Variants in MERTK observed in about 807,000 individuals in gnomAD.
The protein encoded by MERTK is MER proto-oncogene, tyrosine kinase.
A neutral mutation model predicts 99.3 loss-of-function variants in MERTK; 69 were observed. That is an observed-to-expected ratio of 0.70 (90% confidence interval 0.57 to 0.85). MERTK has a LOEUF of 0.85. Ranked by LOEUF, MERTK falls within the 40% of genes least tolerant of loss-of-function variation. MERTK has a pLI of 0.00. For synonymous variants in MERTK, 426 were observed against 467.6 expected (o/e 0.91, Z 1.15); for missense variants, 1,125 against 1,249.4 (o/e 0.90, Z 1.50).
intron 14 of MERTK, 50 bp from the exon 15 acceptor site, chr2:112,009,898 G>A (rs747760201): frequency 2.1e-6 from 3 of 1,408,280 alleles, no homozygotes; most frequent in Non-Finnish European, 3.0e-6. Context: ...GGCTTTTCTG[G>A]TCACAGTAAC....
In MERTK at chr2:111,958,495, A is replaced by G. The variant is rs547699086; in HGVS notation, c.758-6696A>G. On this transcript the variant is annotated intron_variant, in intron 4 of 18. Transcript: ENST00000295408. ...GTGCTGTCTGGTTTTGGAGAAATTT[A>G]CCTTTGGTTTGAACTAGTTTCCTCT... Among the ~76,000 whole-genome samples the G allele has an allele frequency of 1.3e-4, 20 of 152,308 alleles. No homozygotes were observed. In the South Asian group the frequency reaches 3.9e-3, roughly 30 times the overall value.
intron 4 of MERTK, 93 bp downstream of exon 4, chr2:111,947,660 T>G: frequency 7.0e-6 from 10 of 1,425,016 alleles, no homozygotes; most frequent in Non-Finnish European, 9.9e-6. Flanking sequence ...TAGCAGGCAG[T>G]GGAGACAGAT....
intron 2 of MERTK, among the ~76,000 whole-genome samples, chr2:111,930,827 C>A (rs547417296): frequency 6.6e-6 from 1 of 152,190 alleles, no homozygotes; most frequent in Admixed American, 6.5e-5. Flanking sequence ...CTTGCCACCC[C>A]TTTTGTATTC....
At chr2:111,994,895 C>T (rs572314498) in intron 9 of MERTK, among the ~76,000 whole-genome samples, 1 of 152,218 alleles carries the variant, frequency 6.6e-6, no homozygotes, top group African/African-American at 2.4e-5. Flanking sequence ...TAGGTCCCTC[C>T]TATAGTTACT....
At chr2:111,908,270 TAGTA>T (rs1684176857) in intron 1 of MERTK, among the ~76,000 whole-genome samples, 1 of 152,212 alleles carries the variant, frequency 6.6e-6, no homozygotes, top group Non-Finnish European at 1.5e-5. Context: ...AACCAGTAAA[TAGTA>T]AGGCCTTTCC....
intron 18 of MERTK, among the ~76,000 whole-genome samples, chr2:112,026,884 C>T (rs1317533628): frequency 1.3e-5 from 2 of 152,176 alleles, no homozygotes; most frequent in Non-Finnish European, 2.9e-5. Flanking sequence ...TTGCATATTT[C>T]TGTTCGTAAG....
chr2:111,979,036 G>A (rs555955875), intron 7 of MERTK, among the ~76,000 whole-genome samples: 1 of 152,254 alleles, frequency 6.6e-6, no homozygotes, highest in African/African-American at 2.4e-5. Flanking sequence ...TTCTTCCCCC[G>A]TGTGAAGCCT....
Position 111,982,203 on chromosome 2 carries a change from T to C in MERTK, c.1145-639T>C, listed in dbSNP as rs187339116. Among the ~76,000 whole-genome samples, 113 of 152,160 alleles carry C rather than the reference T, an allele frequency of 7.4e-4. 1 individual carries two copies. The Middle Eastern group carries it at 0.017, about 23-fold the overall frequency. On this transcript the variant is annotated intron_variant, in intron 7 of 18. Transcript: ENST00000295408. Reference sequence around the variant, plus strand: ...ACTCAAGTAGCTGGGACTACACACCTGTGCCATCACACCCAGCTAATTTTT... The same window carrying C: ...ACTCAAGTAGCTGGGACTACACACCCGTGCCATCACACCCAGCTAATTTTT...
intron 4 of MERTK, among the ~76,000 whole-genome samples, chr2:111,956,654 G>A (rs1685153395): frequency 6.6e-6 from 1 of 152,054 alleles, no homozygotes; most frequent in Non-Finnish European, 1.5e-5. Flanking sequence ...GTGATAATTA[G>A]GCAGTTTTGT....
chr2:111,957,968 G>C (rs55657630), intron 4 of MERTK, among the ~76,000 whole-genome samples: 1 of 152,134 alleles, frequency 6.6e-6, no homozygotes, highest in Non-Finnish European at 1.5e-5. Flanking sequence ...TCTCTCAAGG[G>C]AACATCCTGT....
intron 8 of MERTK, among the ~76,000 whole-genome samples, chr2:111,985,939 G>A (rs935438325): frequency 6.6e-6 from 1 of 152,180 alleles, no homozygotes; most frequent in Non-Finnish European, 1.5e-5. Flanking sequence ...CAGGGTGAAT[G>A]GGTGAGCAGA....
intron 1 of MERTK, among the ~76,000 whole-genome samples, chr2:111,903,991 GT>G (rs1483779253): frequency 1.3e-5 from 2 of 152,138 alleles, no homozygotes; most frequent in African/African-American, 4.8e-5. Flanking sequence ...ACCCTCCATT[GT>G]TCAGAATGCT....
intron 2 of MERTK, among the ~76,000 whole-genome samples, chr2:111,936,610 A>C (rs1268501912): frequency 1.3e-5 from 2 of 151,886 alleles, no homozygotes; most frequent in Non-Finnish European, 2.9e-5. Context: ...GTCATCTTTG[A>C]TTAATAGGTG....
intron 15 of MERTK, among the ~76,000 whole-genome samples, chr2:112,016,525 C>G (rs1677218641): frequency 6.6e-6 from 1 of 152,150 alleles, no homozygotes; most frequent in African/African-American, 2.4e-5. Flanking sequence ...GCATTTGATA[C>G]TGCGATGGCC....
intron 15 of MERTK, among the ~76,000 whole-genome samples, chr2:112,019,120 G>A (rs1677278753): frequency 6.6e-6 from 1 of 152,128 alleles, no homozygotes; most frequent in African/African-American, 2.4e-5. Flanking sequence ...AGGATACACG[G>A]AAGGATCACG....
intron 15 of MERTK, among the ~76,000 whole-genome samples, chr2:112,011,954 G>A (rs1195651148): frequency 2.0e-5 from 3 of 152,102 alleles, no homozygotes; most frequent in Non-Finnish European, 4.4e-5. Context: ...GGAGCTATGG[G>A]CACCAGGAGC....
chr2:111,939,654 ATTTTTTTTTTTTT>A (rs1184269274), intron 2 of MERTK, among the ~76,000 whole-genome samples: 1 of 88,262 alleles, frequency 1.1e-5, no homozygotes, highest in African/African-American at 4.6e-5. Flanking sequence ...CTAATTTTTA[ATTTTTTTTTTTTT>A]TTTTTTTTTT....
At chr2:112,021,240 T>C (rs1677340702) in intron 16 of MERTK, 182 bp from the exon 17 acceptor site, 1 of 298,062 alleles carries the variant, frequency 3.4e-6, no homozygotes, top group Non-Finnish European at 5.0e-6. Flanking sequence ...GCTCTTGCTC[T>C]TGCTCTGCTG....
chr2:111,966,187 G>A lies in MERTK; in HGVS notation c.844+910G>A, dbSNP rs182537130. On this transcript the variant is annotated intron_variant, in intron 5 of 18. Coordinates refer to ENST00000295408, the MANE Select transcript of MERTK (RefSeq NM_006343.3). ...ATGTTCTTTTCCTCTTGTCCTTAGG[G>A]AAACAGTGCAAGGAAAAAGGAGAAC... Among the ~76,000 whole-genome samples the A allele has an allele frequency of 7.8e-4, 119 of 152,164 alleles. 1 individual carries two copies. Among genetic ancestry groups the A allele is most frequent in the Non-Finnish European group, 8.8e-5 (6 of 68,018 alleles).
Sources: gnomAD v4.1 joint callset for allele counts (sites outside exome capture counted in the v4.1 genomes callset) on GRCh38, gnomAD v4.1.1 for gene constraint, MANE v1.5 for transcripts, NCBI Gene and HGNC (gene_info 2026-07-23, HGNC 2026-07-21) for gene names.